The following APBB2 variants were observed in gnomAD, a reference collection of about 807,000 sequenced individuals.
APBB2 encodes the protein Fe65-like 1.
Under a neutral mutation model 82.5 loss-of-function variants are expected in APBB2, and 38 were observed. The observed-to-expected ratio is 0.46, with a 90% confidence interval of 0.36 to 0.60. The LOEUF (loss-of-function observed/expected upper bound fraction) is 0.60. Ranked by LOEUF, APBB2 falls within the 20% of genes least tolerant of loss-of-function variation. The pLI is 0.00. For missense variants in APBB2, 772 were observed against 972.3 expected (o/e 0.79, Z 2.74); for synonymous variants, 341 against 368.2 (o/e 0.93, Z 0.85).
chr4:41,166,760 G>A (rs1371157079), intron 1 of APBB2, among the ~76,000 whole-genome samples: 1 of 151,962 alleles, frequency 6.6e-6, no homozygotes, highest in East Asian at 1.9e-4. Flanking sequence ...AGCCGGGTAT[G>A]GTGGCACATG....
chr4:41,196,892 T>C, intron 1 of APBB2, among the ~76,000 whole-genome samples: 1 of 152,198 alleles, frequency 6.6e-6, no homozygotes, highest in Non-Finnish European at 1.5e-5. Context: ...CACACACTCC[T>C]TTCCCCCTCT....
chr4:41,138,323 A>G (rs755845951), intron 2 of APBB2, among the ~76,000 whole-genome samples: 3 of 152,228 alleles, frequency 2.0e-5, no homozygotes, highest in Non-Finnish European at 2.9e-5. Context: ...TCTGAGCACC[A>G]AACAACACCG....
At chr4:40,950,207 G>C (rs1027248104) in intron 6 of APBB2, among the ~76,000 whole-genome samples, 2 of 152,192 alleles carry the variant, frequency 1.3e-5, no homozygotes, top group African/African-American at 4.8e-5. Flanking sequence ...CAGGCATGTA[G>C]AACAACAGGA....
chr4:40,873,854 C>CAT (rs1766176355), intron 12 of APBB2, among the ~76,000 whole-genome samples: 1 of 152,118 alleles, frequency 6.6e-6, no homozygotes, highest in African/African-American at 2.4e-5. Flanking sequence ...TTTTAGAATG[C>CAT]ATAGCATTTC....
intron 12 of APBB2, among the ~76,000 whole-genome samples, chr4:40,876,785 C>T (rs1311221193): frequency 2.0e-5 from 3 of 151,994 alleles, no homozygotes; most frequent in Non-Finnish European, 4.4e-5. Context: ...TTGAATGTGT[C>T]GATGTAAAAA....
rs181973591 is a variant in APBB2, at chr4:40,856,426, C to T, written c.1530-25849G>A. 1.8e-4 allele frequency among the ~76,000 whole-genome samples: 27 copies of T among 152,374 alleles called. No individual in the cohort carries two copies. The East Asian group carries it at 5.0e-3, about 28-fold the overall frequency. On this transcript the variant is annotated intron_variant, in intron 12 of 17. Transcript: ENST00000508593. ...CTTCTTTCTCAATGCCAAGAGCTGGCTGCGTTTCTACATTTGGGGAATTTG... is the reference window on the plus strand; with the variant it reads ...CTTCTTTCTCAATGCCAAGAGCTGGTTGCGTTTCTACATTTGGGGAATTTG...
chr4:41,061,554 C>T (rs1476311594), intron 4 of APBB2, among the ~76,000 whole-genome samples: 1 of 152,180 alleles, frequency 6.6e-6, no homozygotes, highest in Non-Finnish European at 1.5e-5. Flanking sequence ...AGAAAAGGTA[C>T]AGGAGAAATA....
intron 6 of APBB2, among the ~76,000 whole-genome samples, chr4:40,967,589 GCCTGCCCCAC>G (rs1295937732): frequency 6.6e-6 from 1 of 152,216 alleles, no homozygotes; most frequent in Non-Finnish European, 1.5e-5. Context: ...ACCTGGAGCT[GCCTGCCCCAC>G]CACAGCTAGG....
intron 1 of APBB2, among the ~76,000 whole-genome samples, chr4:41,160,770 T>C (rs955824150): frequency 6.6e-6 from 1 of 152,164 alleles, no homozygotes; most frequent in African/African-American, 2.4e-5. Context: ...CAAATGTGCT[T>C]AAACCTCAAC....
At chr4:41,092,982 T>C (rs767440871) in intron 3 of APBB2, among the ~76,000 whole-genome samples, 52 of 152,106 alleles carry the variant, frequency 3.4e-4, no homozygotes, top group Non-Finnish European at 7.4e-4. Context: ...CACCTGAACT[T>C]ACTGTCGACT....
chr4:40,986,165 A>T (rs1300672268), intron 6 of APBB2, among the ~76,000 whole-genome samples: 1 of 152,212 alleles, frequency 6.6e-6, no homozygotes, highest in African/African-American at 2.4e-5. Flanking sequence ...TCCTCCATTT[A>T]TGATTCCCCT....
At chr4:40,890,216 A>C in intron 12 of APBB2, 148 bp downstream of exon 12, 2 of 1,075,688 alleles carry the variant, frequency 1.9e-6, no homozygotes, top group Non-Finnish European at 2.6e-6. Flanking sequence ...GAGGCAGGGA[A>C]CTAGAGACAA....
chr4:41,098,964 T>C (rs1036931201), intron 3 of APBB2, among the ~76,000 whole-genome samples: 9 of 152,198 alleles, frequency 5.9e-5, no homozygotes, highest in African/African-American at 2.2e-4. Flanking sequence ...ACATAAAATA[T>C]TTCTTTTAAG....
chr4:41,086,111 A>C (rs1345985205), intron 3 of APBB2, among the ~76,000 whole-genome samples: 1 of 152,136 alleles, frequency 6.6e-6, no homozygotes, highest in African/African-American at 2.4e-5. Context: ...AACTTACCAA[A>C]ACTGAATCAT....
chr4:41,203,517 A>C (rs1777209954), intron 1 of APBB2, among the ~76,000 whole-genome samples: 1 of 152,180 alleles, frequency 6.6e-6, no homozygotes, highest in Non-Finnish European at 1.5e-5. Context: ...TGAATGCAGG[A>C]GGTTTTCCCC....
At chr4:41,206,645 T>C (rs1435365759) in intron 1 of APBB2, among the ~76,000 whole-genome samples, 1 of 152,218 alleles carries the variant, frequency 6.6e-6, no homozygotes, top group East Asian at 1.9e-4. Flanking sequence ...TCTGCTGTGT[T>C]CAAAATTTGC....
chr4:41,144,018 A>G (rs111470072), intron 1 of APBB2, among the ~76,000 whole-genome samples: 38 of 152,376 alleles, frequency 2.5e-4, no homozygotes, highest in African/African-American at 8.7e-4. Flanking sequence ...TGGCACAGAA[A>G]ACTCAATGAG....
At chr4:41,064,721 G>A (rs547271732) in intron 4 of APBB2, among the ~76,000 whole-genome samples, 78 of 152,320 alleles carry the variant, frequency 5.1e-4, no homozygotes, top group African/African-American at 1.6e-3. Flanking sequence ...CTTTAGTGTT[G>A]TGAGACATCG....
intron 10 of APBB2, among the ~76,000 whole-genome samples, chr4:40,902,351 G>A (rs1775546018): frequency 6.6e-6 from 1 of 152,196 alleles, no homozygotes; most frequent in Admixed American, 6.5e-5. Context: ...GTTAGTGGAT[G>A]AGGAAACCGG....
Sources: allele counts gnomAD v4.1 joint callset (sites outside exome capture counted in the v4.1 genomes callset), GRCh38; gene constraint gnomAD v4.1.1; transcripts MANE v1.5; gene names NCBI Gene and HGNC (gene_info 2026-07-23, HGNC 2026-07-21).